Variants in CSF3R observed in about 807,000 individuals in gnomAD.
The protein encoded by CSF3R is granulocyte colony-stimulating factor receptor.
A neutral mutation model predicts 84.4 loss-of-function variants in CSF3R; 52 were observed. The ratio of observed to expected loss-of-function variants is 0.62; its 90% CI spans 0.49 to 0.78. The LOEUF (loss-of-function observed/expected upper bound fraction) is 0.78, where lower values mean the gene tolerates loss of function less well. CSF3R is among the 30% of genes least tolerant of loss of function. The pLI, the probability that CSF3R is intolerant of heterozygous loss-of-function variation, is 0.00. For missense variants in CSF3R, 890 were observed against 1,055.7 expected (o/e 0.84, Z 2.17); for synonymous variants, 384 against 429.1 (o/e 0.89, Z 1.30).
chr1:36,481,433 C>T (rs1651513560), intron 2 of CSF3R, 45 bp downstream of exon 2: 5 of 152,252 alleles, frequency 3.3e-5, no homozygotes, highest in Admixed American at 3.3e-4. Context: ...TGGAGCCCAG[C>T]TCAGATTCAG....
Position 36,473,763 on chromosome 1 carries a change from C to T in CSF3R, c.485+1G>A. On this transcript the variant is annotated splice_donor_variant, in intron 5 of 16. Transcript: ENST00000373106. LOFTEE classifies it high-confidence loss of function. The stretch of plus-strand genomic sequence containing the variant: ...GGACCAAGGTGGGGGCCCCTCCTCA[C>T]TTGAAACTCTTCAGAGTGAAGCTGG... The T allele has an allele frequency of 6.2e-7, 1 of 1,614,274 alleles. No homozygotes were observed. The highest frequency in any genetic ancestry group is 8.5e-7 in the Non-Finnish European group (1 of 1,180,050).
rs3918016 is a variant in CSF3R at position 36,472,771 on chromosome 1, G to A, written c.674-85C>T. ...GCTCCCTCTTGTCTCCCTGTCTGTG[G>A]TTCACCATCTGTCCACGTTGCCAAT... On this transcript the variant is annotated intron_variant, in intron 6 of 16. Transcript: ENST00000373106. The surrounding 1 kb of genome is among the most constrained non-coding windows in gnomAD (Gnocchi z 5.0). 1.4e-6 allele frequency: 2 copies of A among 1,419,864 alleles called. No homozygotes were observed. The highest frequency in any genetic ancestry group is 1.4e-5 in the African/African-American group (1 of 69,334). 88.0% of individuals were successfully genotyped at this position (1,419,864 alleles called of 1,614,324 possible).
At chr1:36,483,262 G>A (rs978395626), upstream of CSF3R, 2 of 152,282 alleles carry the variant, frequency 1.3e-5, no homozygotes, top group Admixed American at 6.5e-5. Context: ...GGCTCACCCG[G>A]CCCTAAGCCT....
rs1490752861 is a variant in CSF3R at position 36,471,056 on chromosome 1, G to GT, written c.1285+376dup. On this transcript the variant is annotated intron_variant, in intron 10 of 16. Transcript: ENST00000373106. ...TAGGACTCGTTTTTTGTTTTTTTTT[G>GT]TTTTTTTGAGATGGAGTCTCCCTCT... is the stretch of plus-strand genomic sequence containing the variant. 4.7e-5 allele frequency among the ~76,000 whole-genome samples: 7 copies of GT among 149,968 alleles called. No homozygotes were observed. In the East Asian group the frequency reaches 1.2e-3, roughly 25 times the overall value.
chr1:36,470,421 A>T (rs1262446112), intron 10 of CSF3R, among the ~76,000 whole-genome samples: 1 of 151,992 alleles, frequency 6.6e-6, no homozygotes, highest in African/African-American at 2.4e-5. Context: ...CTGACCTCAG[A>T]TGATCCGCCC....
intron 3 of CSF3R, chr1:36,478,857 GAACAAACAAACAAACA>G (rs202140714): frequency 5.1e-6 from 1 of 196,576 alleles, no homozygotes; most frequent in East Asian, 1.3e-4. Context: ...TCTCACAAAC[GAACAAACAAACAAACA>G]AACAAACAAA....
intron 12 of CSF3R, 64 bp downstream of exon 12, chr1:36,469,092 G>A: frequency 8.4e-7 from 1 of 1,188,370 alleles, no homozygotes; most frequent in East Asian, 2.3e-5. Context: ...GATTGCTGGG[G>A]ACCAGGCAGA....
intron 3 of CSF3R, among the ~76,000 whole-genome samples, chr1:36,476,781 C>A (rs1651182620): frequency 6.6e-6 from 1 of 152,086 alleles, no homozygotes; most frequent in South Asian, 2.1e-4. Flanking sequence ...CCACCTCAGC[C>A]TCCTGAGTAG....
At position 36,466,871 on chromosome 1, in the gene CSF3R, G is replaced by A. The variant is rs1437018736; in HGVS notation, c.2041-44C>T. 6.2e-7 allele frequency: 1 copy of A among 1,614,022 alleles called. No homozygotes were observed. Among genetic ancestry groups the A allele is most frequent in the Non-Finnish European group, 8.5e-7 (1 of 1,180,014 alleles). ...GGTGAGAGCACGGCTCATTTCAGATGTCTGCCCCAGCCACTGTCCCTGTCT... is the reference window on the plus strand; with the variant it reads ...GGTGAGAGCACGGCTCATTTCAGATATCTGCCCCAGCCACTGTCCCTGTCT... On this transcript the variant is annotated intron_variant, in intron 16 of 16. Coordinates refer to ENST00000373106, the MANE Select transcript of CSF3R (RefSeq NM_000760.4). This position sits in a 1 kb window ranked among gnomAD's most constrained non-coding sequence, Gnocchi z 4.6.
At position 36,475,119 on chromosome 1, in the gene CSF3R, C is replaced by G. The variant is rs3917958; in HGVS notation, c.361+258G>C. On this transcript the variant is annotated intron_variant, in intron 4 of 16. Transcript: ENST00000373106. ...TCCTGGGTTCGAGCAGTTCTCCTGCCTCAGCCCCCCGAGTAGCTGGGATTA... is the reference window on the plus strand; with the variant it reads ...TCCTGGGTTCGAGCAGTTCTCCTGCGTCAGCCCCCCGAGTAGCTGGGATTA... 0.14 allele frequency among the ~76,000 whole-genome samples: 21,189 copies of G among 151,750 alleles called. 1,570 individuals carry two copies. Among genetic ancestry groups the G allele is most frequent in the South Asian group, 0.24 (1,132 of 4,808 alleles).
At chr1:36,471,924 GGCACA>G (rs1198281816) in intron 9 of CSF3R, 137 bp downstream of exon 9, 11 of 845,500 alleles carry the variant, frequency 1.3e-5, no homozygotes, top group Admixed American at 1.0e-4. Flanking sequence ...CAGCTCCCTA[GGCACA>G]TGCAAAGTGC....
intron 4 of CSF3R, among the ~76,000 whole-genome samples, chr1:36,474,791 T>C (rs755399367): frequency 6.6e-6 from 1 of 152,148 alleles, no homozygotes; most frequent in Non-Finnish European, 1.5e-5. Context: ...ACTTGGGCTA[T>C]GTAGAGTAGT....
In CSF3R at chr1:36,469,247, C is replaced by G; in HGVS notation, c.1485G>C (p.Arg495Ser). ...ATGFLLKENI[R>S]PFQLYEIIVT... ...CGATGATCTCATAGAGCTGAAAGGGCCTGATGTTCTCTGTAGAGAGAAAAT... is the reference window on the plus strand; with the variant it reads ...CGATGATCTCATAGAGCTGAAAGGGGCTGATGTTCTCTGTAGAGAGAAAAT... Residue 495 changes from arginine (R) to serine (S), a missense_variant, in exon 12 of 17, where the codon AGG (arginine) becomes AGC (serine). By Grantham distance (110) the Arg-to-Ser change is moderately radical. Transcript: ENST00000373106. The G allele has an allele frequency of 1.2e-6, 2 of 1,613,758 alleles. No individual in the cohort carries two copies. The highest frequency in any genetic ancestry group is 1.7e-6 in the Non-Finnish European group (2 of 1,179,722).
Position 36,466,858 on chromosome 1 carries a change from G to A in CSF3R, c.2041-31C>T. The A allele has an allele frequency of 6.2e-7, 1 of 1,614,098 alleles. No homozygotes were observed. The highest frequency in any genetic ancestry group is 1.3e-5 in the African/African-American group (1 of 75,058). On this transcript the variant is annotated intron_variant, in intron 16 of 16. Transcript: ENST00000373106. The surrounding 1 kb of genome is among the most constrained non-coding windows in gnomAD (Gnocchi z 4.6). ...CACAAGGATGTGGGGTGAGAGCACGGCTCATTTCAGATGTCTGCCCCAGCC... is the reference window on the plus strand; with the variant it reads ...CACAAGGATGTGGGGTGAGAGCACGACTCATTTCAGATGTCTGCCCCAGCC...
At chr1:36,471,046 G>GTT (rs543120792) in intron 10 of CSF3R, among the ~76,000 whole-genome samples, 5 of 150,198 alleles carry the variant, frequency 3.3e-5, no homozygotes, top group African/African-American at 1.2e-4. Context: ...CTCGTTTTTT[G>GTT]TTTTTTTTTG....
chr1:36,479,260 G>C (rs1363160725), intron 3 of CSF3R, 173 bp downstream of exon 3: 2 of 720,682 alleles, frequency 2.8e-6, no homozygotes, highest in Non-Finnish European at 5.0e-6. Context: ...GTGGTGGTTT[G>C]CCTGTGGAAG....
chr1:36,479,501 C>G lies in CSF3R; in HGVS notation c.-5G>C, dbSNP rs1238030071. ...GCAGTTTCCCAGCCTTGCCATAGCACCAACTTGATGTTCACCTGTAGGCAG... is the reference window on the plus strand; with the variant it reads ...GCAGTTTCCCAGCCTTGCCATAGCAGCAACTTGATGTTCACCTGTAGGCAG... On this transcript the variant is annotated 5_prime_UTR_variant, in exon 3 of 17. Transcript: ENST00000373106. 1 of 1,614,024 alleles carries G rather than the reference C, an allele frequency of 6.2e-7. No individual in the cohort carries two copies. Among genetic ancestry groups the G allele is most frequent in the Non-Finnish European group, 8.5e-7 (1 of 1,179,968 alleles).
intron 3 of CSF3R, among the ~76,000 whole-genome samples, chr1:36,476,802 A>C (rs1259980448): frequency 1.3e-5 from 2 of 151,500 alleles, no homozygotes; most frequent in African/African-American, 4.9e-5. Context: ...CTGGGACTAC[A>C]GGTTCATGCC....
In CSF3R at chr1:36,475,616, G is replaced by T; in HGVS notation, c.122C>A (p.Pro41His). 6.2e-7 allele frequency: 1 copy of T among 1,607,348 alleles called. No homozygotes were observed. The highest frequency in any genetic ancestry group is 8.5e-7 in the Non-Finnish European group (1 of 1,174,476). ...VSAPIVHLGD[P>H]ITASCIIKQN... ...CTTGATGATGCAGGAGGCTGTGATG[G>T]GATCCCCCAGGTGGACGATGGGGGC... Residue 41 changes from proline (P) to histidine (H), a missense_variant, in exon 4 of 17, where the codon CCC becomes CAC. Physicochemically the swap from Pro to His is moderately conservative, Grantham distance 77. Coordinates refer to ENST00000373106, the MANE Select transcript of CSF3R (RefSeq NM_000760.4).
Sources: gnomAD v4.1 joint callset for allele counts (sites outside exome capture counted in the v4.1 genomes callset) on GRCh38, gnomAD v4.1.1 for gene constraint, Gnocchi (gnomAD v3.1) non-coding constraint, MANE v1.5 for transcripts, NCBI Gene and HGNC (gene_info 2026-07-23, HGNC 2026-07-21) for gene names.